Variants in RANBP2 observed in about 807,000 individuals in gnomAD.
RANBP2 encodes E3 SUMO-protein ligase RanBP2.
In RANBP2, 57 loss-of-function variants were observed where a neutral mutation model predicts 303.6. That is an observed-to-expected ratio of 0.19 (90% CI 0.15 to 0.23). The LOEUF is 0.23. RANBP2 is among the 10% of genes least tolerant of loss of function. The pLI, the probability that RANBP2 is intolerant of heterozygous loss-of-function variation, is 1.00. For synonymous variants in RANBP2, 1,167 were observed against 1,301.5 expected (o/e 0.90, Z 2.23); for missense variants, 3,138 against 3,780.8 (o/e 0.83, Z 4.46).
At chr2:109,232,902 G>C in the RANBP2 span, among the ~76,000 whole-genome samples, 2 of 152,114 alleles carry the variant, frequency 1.3e-5, no homozygotes, top group Non-Finnish European at 2.9e-5. Flanking sequence ...TGTGAGTTTT[G>C]ACAAACAACT....
the RANBP2 span, chr2:109,449,247 C>T: frequency 4.2e-5 from 67 of 1,612,654 alleles, no homozygotes; most frequent in African/African-American, 1.1e-4. Context: ...CTCTCCATCC[C>T]GCCTGCCTGC....
At chr2:109,706,769 G>A in the RANBP2 span, among the ~76,000 whole-genome samples, 8 of 152,232 alleles carry the variant, frequency 5.3e-5, no homozygotes, top group Admixed American at 5.2e-4. Flanking sequence ...ATGAGTGAAT[G>A]AGCAGTGGCT....
At chr2:108,741,981 G>C (rs917928372) in intron 7 of RANBP2, among the ~76,000 whole-genome samples, 13 of 151,776 alleles carry the variant, frequency 8.6e-5, no homozygotes, top group Middle Eastern at 3.2e-3. Flanking sequence ...TAGAGAAGGC[G>C]CCTCCTTCTA....
chr2:109,614,771 G>T, the RANBP2 span: 2 of 1,478,620 alleles, frequency 1.4e-6, no homozygotes, highest in South Asian at 1.3e-5. Context: ...CCGGGGACCC[G>T]CCGCGAATCC....
At chr2:109,565,946 A>G in the RANBP2 span, 1 of 1,177,938 alleles carries the variant, frequency 8.5e-7, no homozygotes, top group Non-Finnish European at 1.3e-6. Context: ...GAAGAGAATA[A>G]TTAAATAACA....
chr2:108,806,180 G>A, the RANBP2 span, among the ~76,000 whole-genome samples: 1 of 152,064 alleles, frequency 6.6e-6, no homozygotes, highest in Non-Finnish European at 1.5e-5. Flanking sequence ...TTAGACTTAT[G>A]AATTTGACAG....
the RANBP2 span, among the ~76,000 whole-genome samples, chr2:109,191,588 G>A: frequency 6.6e-6 from 1 of 152,202 alleles, no homozygotes; most frequent in Non-Finnish European, 1.5e-5. Context: ...TTGAGGGGCA[G>A]GCATTTCCCA....
the RANBP2 span, among the ~76,000 whole-genome samples, chr2:109,146,278 A>G: frequency 6.6e-6 from 1 of 152,200 alleles, no homozygotes; most frequent in East Asian, 1.9e-4. Flanking sequence ...AAAGGGCATC[A>G]GTAAAGGTCC....
chr2:109,243,886 T>A, the RANBP2 span, among the ~76,000 whole-genome samples: 1 of 152,094 alleles, frequency 6.6e-6, no homozygotes, highest in Admixed American at 6.5e-5. Flanking sequence ...AGTAAATAGA[T>A]GAGTGAGTAG....
chr2:108,853,907 T>TAA, the RANBP2 span, among the ~76,000 whole-genome samples: 2 of 121,100 alleles, frequency 1.7e-5, no homozygotes, highest in African/African-American at 6.8e-5. Flanking sequence ...ATATTATATA[T>TAA]TATATAGTAT....
chr2:109,573,813 C>T, the RANBP2 span, among the ~76,000 whole-genome samples: 4 of 152,212 alleles, frequency 2.6e-5, no homozygotes, highest in Non-Finnish European at 4.4e-5. Context: ...TTCTATAGCT[C>T]CCTAAATTTA....
At chr2:109,113,521 A>T in the RANBP2 span, among the ~76,000 whole-genome samples, 15 of 152,216 alleles carry the variant, frequency 9.9e-5, no homozygotes, top group African/African-American at 3.6e-4. Flanking sequence ...TTATCAGCTT[A>T]AGGAGATTTT....
the RANBP2 span, among the ~76,000 whole-genome samples, chr2:109,298,515 A>G: frequency 6.6e-6 from 1 of 152,102 alleles, no homozygotes; most frequent in Non-Finnish European, 1.5e-5. Flanking sequence ...ACTTTGCTCC[A>G]GGTGGTGAGC....
the RANBP2 span, among the ~76,000 whole-genome samples, chr2:109,324,274 T>G: frequency 6.6e-6 from 1 of 152,198 alleles, no homozygotes; most frequent in Admixed American, 6.5e-5. Context: ...TGACTATTGA[T>G]GTACAAGTTT....
the RANBP2 span, among the ~76,000 whole-genome samples, chr2:108,858,700 CT>C: frequency 2.0e-3 from 285 of 143,674 alleles, no homozygotes; most frequent in African/African-American, 5.2e-3. Context: ...CTATTTTTTT[CT>C]TTTTTTTTTT....
the RANBP2 span, among the ~76,000 whole-genome samples, chr2:108,854,014 T>C: frequency 5.2e-5 from 6 of 116,344 alleles, no homozygotes; most frequent in African/African-American, 1.0e-4. Context: ...ATATATAATA[T>C]ATAATAAATT....
At chr2:109,686,853 T>A in the RANBP2 span, among the ~76,000 whole-genome samples, 1 of 152,220 alleles carries the variant, frequency 6.6e-6, no homozygotes, top group South Asian at 2.1e-4. Context: ...GCACAAGCGA[T>A]CTGCCTCCCA....
chr2:109,610,176 C>T, the RANBP2 span, among the ~76,000 whole-genome samples: 3 of 151,856 alleles, frequency 2.0e-5, no homozygotes, highest in Non-Finnish European at 4.4e-5. Context: ...GCAACCTCCA[C>T]CTCTCAGGTT....
the RANBP2 span, among the ~76,000 whole-genome samples, chr2:109,045,663 G>A: frequency 6.6e-6 from 1 of 152,160 alleles, no homozygotes; most frequent in South Asian, 2.1e-4. Flanking sequence ...GGTGGCGCTT[G>A]GCCTGGTGAC....
Sources: gnomAD v4.1 joint callset for allele counts (sites outside exome capture counted in the v4.1 genomes callset) on GRCh38, gnomAD v4.1.1 for gene constraint, MANE v1.5 for transcripts, NCBI Gene and HGNC (gene_info 2026-07-23, HGNC 2026-07-21) for gene names.